The following ST7 variants were observed in gnomAD, a reference collection of about 807,000 sequenced individuals.
ST7 encodes the protein suppression of tumorigenicity 7, also known as suppressor of tumorigenicity 7 protein.
A neutral mutation model predicts 78.7 loss-of-function variants in ST7; 28 were observed. The ratio of observed to expected loss-of-function variants is 0.36; its 90% confidence interval spans 0.26 to 0.49. The LOEUF is 0.49. ST7 is among the 20% of genes least tolerant of loss of function. ST7 has a pLI of 0.99. For missense variants in ST7, 418 were observed against 696.0 expected (o/e 0.60, Z 4.49); for synonymous variants, 247 against 249.6 (o/e 0.99, Z 0.10).
chr7:117,168,050 G>A (rs542538447), intron 9 of ST7, among the ~76,000 whole-genome samples: 1 of 152,234 alleles, frequency 6.6e-6, no homozygotes, highest in African/African-American at 2.4e-5. Flanking sequence ...TTCACTTTTT[G>A]TTCTGGTTTA....
intron 1 of ST7, among the ~76,000 whole-genome samples, chr7:117,061,269 A>G (rs1016052741): frequency 2.0e-5 from 3 of 152,172 alleles, no homozygotes; most frequent in East Asian, 1.9e-4. Context: ...TTTTTCCTGC[A>G]GTCTTAACCA....
At chr7:117,186,071 C>T (rs1809233963) in intron 10 of ST7, among the ~76,000 whole-genome samples, 2 of 152,186 alleles carry the variant, frequency 1.3e-5, no homozygotes, top group Non-Finnish European at 2.9e-5. Context: ...CACACTGTGG[C>T]CATAACTTTT....
chr7:117,194,976 A>T (rs562348607), intron 12 of ST7, among the ~76,000 whole-genome samples: 2 of 152,342 alleles, frequency 1.3e-5, no homozygotes, highest in South Asian at 2.1e-4. Context: ...CCTTCAGGGT[A>T]CCAAAGATAA....
intron 13 of ST7, among the ~76,000 whole-genome samples, chr7:117,217,209 A>G (rs1411711671): frequency 1.3e-5 from 2 of 151,226 alleles, no homozygotes; most frequent in African/African-American, 4.9e-5. Context: ...CTGAGGGTTT[A>G]TTTATATCAT....
chr7:116,992,733 C>A (rs1412442185), intron 1 of ST7, among the ~76,000 whole-genome samples: 1 of 152,186 alleles, frequency 6.6e-6, no homozygotes. Context: ...ATGGGATTTT[C>A]TATTGGCATT....
At chr7:117,064,227 A>G (rs1488042527) in intron 1 of ST7, among the ~76,000 whole-genome samples, 2 of 152,152 alleles carry the variant, frequency 1.3e-5, no homozygotes, top group Non-Finnish European at 2.9e-5. Flanking sequence ...ACATATTGTA[A>G]ATAAACATAT....
chr7:117,025,540 A>T (rs1796140206), intron 1 of ST7, among the ~76,000 whole-genome samples: 1 of 152,198 alleles, frequency 6.6e-6, no homozygotes, highest in Admixed American at 6.5e-5. Flanking sequence ...GTATGTGCAC[A>T]AAAACCCACC....
At chr7:116,976,866 A>G (rs1033928580) in intron 1 of ST7, among the ~76,000 whole-genome samples, 1 of 152,220 alleles carries the variant, frequency 6.6e-6, no homozygotes, top group Non-Finnish European at 1.5e-5. Context: ...CAACTTCAAC[A>G]TTCTTGCTAG....
intron 2 of ST7, among the ~76,000 whole-genome samples, chr7:117,111,628 A>T (rs1481917286): frequency 6.6e-6 from 1 of 152,180 alleles, no homozygotes; most frequent in African/African-American, 2.4e-5. Context: ...TTTAGTTCCT[A>T]TGCCTATACC....
chr7:117,039,860 T>C (rs1262049074), intron 1 of ST7, among the ~76,000 whole-genome samples: 1 of 152,166 alleles, frequency 6.6e-6, no homozygotes, highest in East Asian at 1.9e-4. Context: ...ACATCTTCTG[T>C]AGTCGCAAAT....
chr7:117,054,719 G>A lies in ST7; in HGVS notation c.152-45043G>A, dbSNP rs138057728. Among the ~76,000 whole-genome samples, 315 of 152,322 alleles carry A rather than the reference G, an allele frequency of 2.1e-3. 1 individual carries two copies. Among genetic ancestry groups the A allele is most frequent in the African/African-American group, 7.3e-3 (302 of 41,570 alleles). On this transcript the variant is annotated intron_variant, in intron 1 of 15. Coordinates refer to ENST00000323984, the MANE Select transcript of ST7 (RefSeq NM_001369598.1). ...ACAGTTTCACCTAAGTTCTACGTGA[G>A]CATTTCCCCAGCACATTGTTTTTTT... is the stretch of plus-strand genomic sequence containing the variant.
In ST7 at chr7:117,138,365, G is replaced by T. The variant is rs540746325; in HGVS notation, c.866-70G>T. 7.0e-4 allele frequency: 728 copies of T among 1,035,508 alleles called. 7 individuals carry two copies. Among genetic ancestry groups the T allele is most frequent in the South Asian group, 5.6e-3 (345 of 61,262 alleles). 64.1% of individuals were successfully genotyped at this position (1,035,508 alleles called of 1,614,324 possible). A position where few individuals can be genotyped will look rare whatever the true frequency, so the allele number is the denominator to read the frequency against. On this transcript the variant is annotated intron_variant, in intron 8 of 15. Transcript: ENST00000323984. ...GTCAGTGCTATGAAAATTTCCTTTAGGGGCAAGGCAAATGGGCCTCTGTAT... is the reference window on the plus strand; with the variant it reads ...GTCAGTGCTATGAAAATTTCCTTTATGGGCAAGGCAAATGGGCCTCTGTAT...
Position 117,190,864 on chromosome 7 carries a change from G to A in ST7, c.1182G>A (p.Gly394=), listed in dbSNP as rs767855046. 1.2e-6 allele frequency: 2 copies of A among 1,614,048 alleles called. No homozygotes were observed. Among genetic ancestry groups the A allele is most frequent in the African/African-American group, 1.3e-5 (1 of 75,048 alleles). Residue 394 remains glycine (G), a synonymous_variant, in exon 12 of 16, where the codon GGG becomes GGA. Transcript: ENST00000323984. The surrounding 1 kb of genome is among the most constrained non-coding windows in gnomAD (Gnocchi z 5.2). The part of the protein sequence containing the change: ...KFSPEAASRR[G]LSTAEMNAVE... ...CTCCTGAGGCTGCATCTCGGCGGGG[G>A]CTGAGCACAGCAGAGATGAATGCAG...
chr7:117,124,917 G>A (rs1040486810), intron 3 of ST7, among the ~76,000 whole-genome samples: 3 of 152,058 alleles, frequency 2.0e-5, no homozygotes, highest in African/African-American at 7.2e-5. Context: ...GTGGTCAGCC[G>A]GGCTTACTCA....
chr7:117,066,889 A>G (rs1159956807), intron 1 of ST7, among the ~76,000 whole-genome samples: 1 of 151,826 alleles, frequency 6.6e-6, no homozygotes, highest in Non-Finnish European at 1.5e-5. Flanking sequence ...CTCTATACCC[A>G]TTAGCAGTTA....
intron 1 of ST7, among the ~76,000 whole-genome samples, chr7:116,961,809 C>T (rs1184160817): frequency 6.6e-6 from 1 of 150,780 alleles, no homozygotes; most frequent in Non-Finnish European, 1.5e-5. Context: ...GATACAAGTG[C>T]AGAATGTGTA....
At chr7:117,018,355 A>T (rs2115993774) in intron 1 of ST7, among the ~76,000 whole-genome samples, 1 of 152,228 alleles carries the variant, frequency 6.6e-6, no homozygotes, top group East Asian at 1.9e-4. Flanking sequence ...CTACAGTTAC[A>T]TTTCAACATC....
At chr7:117,165,378 G>A (rs1807467420) in intron 9 of ST7, among the ~76,000 whole-genome samples, 1 of 152,064 alleles carries the variant, frequency 6.6e-6, no homozygotes, top group Admixed American at 6.6e-5. Context: ...AAAATTCTGA[G>A]CATTGAGTCA....
chr7:117,166,373 C>T (rs1036386995), intron 9 of ST7, among the ~76,000 whole-genome samples: 3 of 151,400 alleles, frequency 2.0e-5, no homozygotes, highest in African/African-American at 4.9e-5. Context: ...CTAATGACAA[C>T]ATATAATAGC....
Sources: allele counts gnomAD v4.1 joint callset (sites outside exome capture counted in the v4.1 genomes callset), GRCh38; gene constraint gnomAD v4.1.1; non-coding constraint Gnocchi (gnomAD v3.1); transcripts MANE v1.5; gene names NCBI Gene and HGNC (gene_info 2026-07-23, HGNC 2026-07-21).